Variants in ESPN observed in about 807,000 individuals in gnomAD.
The protein encoded by ESPN is espin.
A neutral mutation model predicts 77.7 loss-of-function variants in ESPN; 68 were observed. The observed-to-expected ratio is 0.87, with a 90% CI of 0.72 to 1.07. The LOEUF is 1.07. Ranked by LOEUF, ESPN falls within the 50% of genes least tolerant of loss-of-function variation. The pLI is 0.00. For synonymous variants in ESPN, 449 were observed against 567.1 expected, an observed-to-expected ratio of 0.79 and a Z score of 2.96; for missense variants, 1,060 against 1,239.0, an observed-to-expected ratio of 0.86 and a Z score of 2.17.
chr1:6,445,368 C>A lies in ESPN; in HGVS notation c.1193-296C>A, dbSNP rs1643791812. On this transcript the variant is annotated intron_variant, in intron 6 of 12. Transcript: ENST00000645284. ...AGATTGGATGTGGCCATCCGTACTC[C>A]CAAGGAGTAGACCCTCCCCTTCCAG... 3.3e-5 allele frequency among the ~76,000 whole-genome samples: 5 copies of A among 152,228 alleles called. No individual in the cohort carries two copies. The South Asian group carries it at 8.3e-4, about 25-fold the overall frequency.
intron 10 of ESPN, 29 bp from the exon 11 acceptor site, chr1:6,457,155 G>C (rs1168384127): frequency 6.4e-7 from 1 of 1,571,540 alleles, no homozygotes; most frequent in South Asian, 1.2e-5. Flanking sequence ...AGCCCCTGCA[G>C]GCCCTGAAGC....
intron 2 of ESPN, among the ~76,000 whole-genome samples, chr1:6,434,266 C>CT (rs1031091703): frequency 6.6e-6 from 1 of 152,206 alleles, no homozygotes; most frequent in African/African-American, 2.4e-5. Flanking sequence ...CAACCAAAAG[C>CT]TAACCCCTAG....
At chr1:6,443,162 A>C (rs1643705429) in intron 5 of ESPN, 1 of 146,654 alleles carries the variant, frequency 6.8e-6, no homozygotes, top group Admixed American at 6.7e-5. Context: ...ACAAGAATGA[A>C]ACTCTGTCTA....
rs1319789313 is a variant in ESPN at position 6,440,603 on chromosome 1, C to G, written c.676-23C>G. The G allele has an allele frequency of 2.4e-6, 3 of 1,261,172 alleles. No individual in the cohort carries two copies. In the African/African-American group the frequency reaches 4.8e-5, roughly 20 times the overall value. 78.1% of individuals were successfully genotyped at this position (1,261,172 alleles called of 1,614,324 possible). On this transcript the variant is annotated intron_variant, in intron 3 of 12. Transcript: ENST00000645284. ...GGCCTGGCGCCCAGCCCCCGCCCCC[C>G]TCTCCCCGCCCGTCCCGCCCAGGTG...
At chr1:6,439,508 G>A (rs140448014) in intron 2 of ESPN, among the ~76,000 whole-genome samples, 1,998 of 152,284 alleles carry the variant, frequency 0.013, 40 homozygotes, top group African/African-American at 0.044. Flanking sequence ...AGTGTGGGGC[G>A]GAGGCCAGCA....
rs575909535 is a variant in ESPN at position 6,427,438 on chromosome 1, G to A, written c.295-788G>A. Among the ~76,000 whole-genome samples, 1 of 152,266 alleles carries A rather than the reference G, an allele frequency of 6.6e-6. No individual in the cohort carries two copies. Among genetic ancestry groups the A allele is most frequent in the East Asian group, 1.9e-4 (1 of 5,170 alleles). ...GTGTGCACTGATGACACATTCAGCA[G>A]TTCTGGGCCCAGACCTCTGGCCCCA... On this transcript the variant is annotated intron_variant, in intron 1 of 12. Coordinates refer to ENST00000645284, the MANE Select transcript of ESPN (RefSeq NM_031475.3). The surrounding 1 kb of genome is among the most constrained non-coding windows in gnomAD (Gnocchi z 4.6).
In ESPN at chr1:6,455,439, A is replaced by G. The variant is rs528118113; in HGVS notation, c.2326-1745A>G. ...CGCCCCCCGGCTGCCGGCGAGCAACAGCGAGGCCCACAGCCCCGACGAACG... is the reference window on the plus strand; with the variant it reads ...CGCCCCCCGGCTGCCGGCGAGCAACGGCGAGGCCCACAGCCCCGACGAACG... On this transcript the variant is annotated intron_variant, in intron 10 of 12. Transcript: ENST00000645284. 1.9e-4 allele frequency: 77 copies of G among 395,726 alleles called. No homozygotes were observed. The East Asian group carries it at 2.7e-3, about 14-fold the overall frequency. 24.5% of individuals were successfully genotyped at this position (395,726 alleles called of 1,614,324 possible). A position where few individuals can be genotyped will look rare whatever the true frequency, so the allele number is the denominator to read the frequency against.
chr1:6,448,426 C>T (rs1643887434), intron 7 of ESPN: 1 of 523,858 alleles, frequency 1.9e-6, no homozygotes, highest in Non-Finnish European at 3.3e-6. Flanking sequence ...CAGAACCCCT[C>T]CCTGTAAGGC....
At position 6,448,774 on chromosome 1, in the gene ESPN, C is replaced by G. The variant is rs1283317536; in HGVS notation, c.1598C>G (p.Ala533Gly). The G allele has an allele frequency of 6.9e-7, 1 of 1,442,630 alleles. No homozygotes were observed. Among genetic ancestry groups the G allele is most frequent in the Non-Finnish European group, 9.1e-7 (1 of 1,101,836 alleles). 89.4% of individuals were successfully genotyped at this position (1,442,630 alleles called of 1,614,324 possible). The change falls in exon 8 of 13, where the codon GCA becomes GGA. Residue 533 changes from alanine (A) to glycine (G), a missense_variant. Physicochemically the swap from Ala to Gly is moderately conservative, Grantham distance 60. Transcript: ENST00000645284. Reference protein sequence around the residue: ...LGRCPGETLAARPGMAHSEEV... With the variant: ...LGRCPGETLAGRPGMAHSEEV... The stretch of plus-strand genomic sequence containing the variant: ...CGCTGCCCCGGCGAGACGCTGGCCG[C>G]ACGCCCGGGCATGGCGCACAGCGAG...
chr1:6,440,655 GCAGGA>G lies in ESPN; in HGVS notation c.708_712del (p.Asp237ArgfsTer31), dbSNP rs1320785620. The G allele has an allele frequency of 6.6e-7, 1 of 1,511,284 alleles. No homozygotes were observed. Among genetic ancestry groups the G allele is most frequent in the Non-Finnish European group, 8.8e-7 (1 of 1,135,744 alleles). 93.6% of individuals were successfully genotyped at this position (1,511,284 alleles called of 1,614,324 possible). On this transcript the variant is annotated frameshift_variant, in exon 4 of 13. Coordinates refer to ENST00000645284, the MANE Select transcript of ESPN (RefSeq NM_031475.3). LOFTEE classifies it high-confidence loss of function. ...GCTGCACCGACGTGAGCCTGTCCGA[GCAGGA>G]CAAAGACGGCGCCACCGCCATGCAC... is the stretch of plus-strand genomic sequence containing the variant.
chr1:6,452,075 G>A lies in ESPN; in HGVS notation c.2304G>A (p.Glu768=). The change falls in exon 10 of 13, where the codon GAG becomes GAA. Residue 768 remains glutamate, a synonymous_variant. Transcript: ENST00000645284. ...MVRKMQLKMQ[E]EEEQRRKEEE... is the part of the protein sequence containing the mutation. Reference sequence around the variant, plus strand: ...GCAAGATGCAGCTGAAGATGCAGGAGGAGGAGGAGCAGAGGCGGAAGGTGG... The same window carrying A: ...GCAAGATGCAGCTGAAGATGCAGGAAGAGGAGGAGCAGAGGCGGAAGGTGG... The A allele has an allele frequency of 6.4e-7, 1 of 1,556,318 alleles. No individual in the cohort carries two copies. The highest frequency in any genetic ancestry group is 8.7e-7 in the Non-Finnish European group (1 of 1,150,526).
chr1:6,452,643 C>A (rs991644400), intron 10 of ESPN, among the ~76,000 whole-genome samples: 1 of 152,172 alleles, frequency 6.6e-6, no homozygotes, highest in Non-Finnish European at 1.5e-5. Flanking sequence ...GGCTGAGGCT[C>A]GCATTTCTAG....
intron 5 of ESPN, among the ~76,000 whole-genome samples, chr1:6,441,780 C>T (rs946117744): frequency 8.5e-5 from 13 of 152,186 alleles, no homozygotes; most frequent in Non-Finnish European, 1.9e-4. Flanking sequence ...GCAGCCTGGC[C>T]ATGGAGGGGC....
rs1643760733 is a variant in ESPN at position 6,444,601 on chromosome 1, A to G, written c.1111A>G (p.Ser371Gly). The change falls in exon 6 of 13, where the codon AGC (serine) becomes GGC (glycine). Residue 371 changes from serine (S) to glycine (G), a missense_variant. By Grantham distance (56) the Ser-to-Gly change is moderately conservative. This residue lies in a region of ESPN where 556 missense variants were observed against 633.6 expected (regional missense o/e 0.88). Transcript: ENST00000645284. ...GGTCCAGCCGCTGAACTTTGACCTC[A>G]GCTCGCCTACCAGCACCCTCTCCAA... ...VSVQPLNFDLSSPTSTLSNYD... is the reference protein window; with the variant it reads ...VSVQPLNFDLGSPTSTLSNYD... 6.2e-7 allele frequency: 1 copy of G among 1,614,032 alleles called. No individual in the cohort carries two copies. Among genetic ancestry groups the G allele is most frequent in the South Asian group, 1.1e-5 (1 of 91,084 alleles).
rs763160001 is a variant in ESPN at position 6,440,763 on chromosome 1, G to A, written c.813G>A (p.Trp271Ter). 2.4e-5 allele frequency: 37 copies of A among 1,532,572 alleles called. No individual in the cohort carries two copies. The highest frequency in any genetic ancestry group is 3.1e-5 in the Non-Finnish European group (36 of 1,148,852). 94.9% of individuals were successfully genotyped at this position (1,532,572 alleles called of 1,614,324 possible). ...LHGGEISADL[W>*]GGTPLHDAAE... The stretch of plus-strand genomic sequence containing the variant: ...GCGGGGAGATCTCGGCTGACCTGTG[G>A]GGCGGGACCCCGCTGCACGACGCCG... The change falls in exon 4 of 13, where the codon TGG becomes TGA. Residue 271 changes from tryptophan (W) to a stop codon, truncating the protein, a stop_gained. Transcript: ENST00000645284. LOFTEE classifies it high-confidence loss of function.
chr1:6,433,791 C>T lies in ESPN; in HGVS notation c.488+5372C>T, dbSNP rs144392050. Among the ~76,000 whole-genome samples, 1,520 of 152,230 alleles carry T rather than the reference C, an allele frequency of 1.0e-2. 83 individuals are homozygous for T. The highest frequency in any genetic ancestry group is 0.034 in the East Asian group (175 of 5,172). ...GGGATCAGAGATACCCGCCTGCACC[C>T]TGCCTTCCTCCAAGTCTTTGCCCAG... is the stretch of plus-strand genomic sequence containing the variant. On this transcript the variant is annotated intron_variant, in intron 2 of 12. Coordinates refer to ENST00000645284, the MANE Select transcript of ESPN (RefSeq NM_031475.3).
At chr1:6,455,330 A>G in intron 10 of ESPN, 1 of 385,704 alleles carries the variant, frequency 2.6e-6, no homozygotes. Context: ...GCCGCGGACC[A>G]GGCCGCCGCG....
intron 3 of ESPN, 24 bp from the exon 4 acceptor site, chr1:6,440,602 C>CCCCAG: frequency 1.4e-5 from 17 of 1,256,460 alleles, no homozygotes; most frequent in Non-Finnish European, 1.9e-5. Context: ...CCCCCGCCCC[C>CCCCAG]CTCTCCCCGC....
chr1:6,438,398 A>C (rs577516475), intron 2 of ESPN, among the ~76,000 whole-genome samples: 2 of 152,378 alleles, frequency 1.3e-5, no homozygotes, highest in Non-Finnish European at 2.9e-5. Context: ...TCAGGATGAC[A>C]ACTGTTGTCC....
Sources: allele counts gnomAD v4.1 joint callset (sites outside exome capture counted in the v4.1 genomes callset), GRCh38; gene constraint gnomAD v4.1.1; regional missense constraint gnomAD v4.1.1; non-coding constraint Gnocchi (gnomAD v3.1); transcripts MANE v1.5; gene names NCBI Gene and HGNC (gene_info 2026-07-23, HGNC 2026-07-21).